The following KLHL29 variants were observed in gnomAD, a reference collection of about 807,000 sequenced individuals.
The protein encoded by KLHL29 is kelch-like protein 29.
In KLHL29, 21 loss-of-function variants were observed where a neutral mutation model predicts 80.4. That is an observed-to-expected ratio of 0.26 (90% CI 0.19 to 0.38). The LOEUF (loss-of-function observed/expected upper bound fraction) is 0.38, where lower values mean the gene tolerates loss of function less well. Among genes scored for constraint, KLHL29 ranks in the 10% least tolerant of loss-of-function variants. The pLI, the probability that KLHL29 is intolerant of heterozygous loss-of-function variation, is 1.00. For missense variants in KLHL29, 867 were observed against 1,223.9 expected (o/e 0.71, Z 4.35); for synonymous variants, 511 against 526.8 (o/e 0.97, Z 0.41).
At chr2:23,672,144 C>A (rs1415730525) in intron 5 of KLHL29, 1 of 152,314 alleles carries the variant, frequency 6.6e-6, no homozygotes, top group Non-Finnish European at 1.5e-5. Flanking sequence ...CTTCCTGGAA[C>A]TTTGAAGTCC....
chr2:23,523,312 T>G (rs932373223), intron 2 of KLHL29, among the ~76,000 whole-genome samples: 4 of 152,218 alleles, frequency 2.6e-5, no homozygotes, highest in Non-Finnish European at 5.9e-5. Context: ...ACCCCTCTTA[T>G]GATCCTTCCT....
intron 1 of KLHL29, among the ~76,000 whole-genome samples, chr2:23,462,607 G>A (rs901393026): frequency 3.9e-5 from 6 of 152,162 alleles, no homozygotes; most frequent in East Asian, 1.9e-4. Flanking sequence ...TGTCCCTAGC[G>A]GCTTTGACTG....
At chr2:23,691,214 T>C (rs1671576940) in intron 6 of KLHL29, 1 of 214,610 alleles carries the variant, frequency 4.7e-6, no homozygotes. Context: ...TCAGAGGATA[T>C]CTCTGGATTG....
chr2:23,608,481 A>T (rs1486500978), intron 3 of KLHL29, among the ~76,000 whole-genome samples: 12 of 151,624 alleles, frequency 7.9e-5, no homozygotes. Context: ...CTATGCCTGG[A>T]ATATCGTAGG....
intron 1 of KLHL29, among the ~76,000 whole-genome samples, chr2:23,395,889 G>A (rs879163560): frequency 1.3e-5 from 2 of 152,182 alleles, no homozygotes; most frequent in Admixed American, 6.5e-5. Context: ...CAGGAGAGCC[G>A]CCTATGGTGT....
intron 5 of KLHL29, chr2:23,671,890 G>GGC (rs1670775663): frequency 6.6e-6 from 1 of 152,392 alleles, no homozygotes; most frequent in African/African-American, 2.4e-5. Context: ...TGACGGGCCT[G>GGC]GCTGCACTGC....
Position 23,603,627 on chromosome 2 carries a change from G to A in KLHL29, c.286-35512G>A, listed in dbSNP as rs1236460551. On this transcript the variant is annotated intron_variant, in intron 3 of 13. Coordinates refer to ENST00000486442, the MANE Select transcript of KLHL29 (RefSeq NM_052920.2). ...GAGGGAGATCGAGGAGGCTGGCCGG[G>A]AAAGCATACCCTTCCTCGGGTGCTG... Among the ~76,000 whole-genome samples the A allele has an allele frequency of 2.6e-5, 4 of 152,334 alleles. No individual in the cohort carries two copies. The East Asian group carries it at 7.7e-4, about 29-fold the overall frequency.
intron 1 of KLHL29, among the ~76,000 whole-genome samples, chr2:23,401,024 G>T (rs1666587228): frequency 6.6e-6 from 1 of 152,158 alleles, no homozygotes. Context: ...GAGGTGGGAG[G>T]GTAATTCCTG....
intron 1 of KLHL29, among the ~76,000 whole-genome samples, chr2:23,467,834 C>G (rs567841487): frequency 2.0e-5 from 3 of 152,044 alleles, no homozygotes; most frequent in African/African-American, 7.3e-5. Flanking sequence ...AGTGTGAAAC[C>G]AACCCAGCAC....
At chr2:23,430,504 A>T (rs970173976) in intron 1 of KLHL29, among the ~76,000 whole-genome samples, 9 of 152,166 alleles carry the variant, frequency 5.9e-5, no homozygotes, top group African/African-American at 2.2e-4. Flanking sequence ...AGCCCAGGAA[A>T]ATCACCCACA....
intron 2 of KLHL29, among the ~76,000 whole-genome samples, chr2:23,493,614 C>A (rs1449856829): frequency 1.3e-5 from 2 of 151,952 alleles, no homozygotes; most frequent in African/African-American, 4.8e-5. Context: ...TATGCTAAAT[C>A]TCTGGGAGCG....
chr2:23,521,867 T>C (rs1666115986), intron 2 of KLHL29, among the ~76,000 whole-genome samples: 1 of 152,056 alleles, frequency 6.6e-6, no homozygotes, highest in Non-Finnish European at 1.5e-5. Flanking sequence ...TACTCAGGGG[T>C]CCCGTAGAGG....
chr2:23,426,278 G>T (rs1490045269), intron 1 of KLHL29, among the ~76,000 whole-genome samples: 15 of 152,170 alleles, frequency 9.9e-5, no homozygotes, highest in Admixed American at 5.2e-4. Context: ...TGTTCCAGCT[G>T]GTTGACCTGC....
In KLHL29 at chr2:23,662,723, G is replaced by A. The variant is rs184060642; in HGVS notation, c.940+19873G>A. 3.0e-3 allele frequency among the ~76,000 whole-genome samples: 454 copies of A among 152,268 alleles called. 7 individuals carry two copies. Among genetic ancestry groups the A allele is most frequent in the Middle Eastern group, 0.027 (8 of 294 alleles). ...GGGTCCCACCCAGCTCACCTCCCGA[G>A]CCACCTCTCCCCAGCCTGGGCCCAC... is the stretch of plus-strand genomic sequence containing the variant. On this transcript the variant is annotated intron_variant, in intron 5 of 13. Transcript: ENST00000486442.
intron 3 of KLHL29, among the ~76,000 whole-genome samples, chr2:23,583,097 G>A (rs1668026474): frequency 6.6e-6 from 1 of 152,188 alleles, no homozygotes; most frequent in East Asian, 1.9e-4. Context: ...AGAGGCAAAG[G>A]ACCCTCCCCT....
At chr2:23,659,780 C>T (rs1415554174) in intron 5 of KLHL29, among the ~76,000 whole-genome samples, 1 of 152,118 alleles carries the variant, frequency 6.6e-6, no homozygotes, top group African/African-American at 2.4e-5. Flanking sequence ...GCCAGGCCCT[C>T]CTCCAGGCCT....
rs146965691 is a variant in KLHL29 at position 23,482,630 on chromosome 2, A to C, written c.-46+6963A>C. Among the ~76,000 whole-genome samples, 851 of 152,274 alleles carry C rather than the reference A, an allele frequency of 5.6e-3. 13 individuals carry two copies. The highest frequency in any genetic ancestry group is 0.02 in the African/African-American group (829 of 41,558). ...GATGGACTTCTCTCCTGTAGGGATG[A>C]TCTCATTTACTCATACTCAGAGGCC... On this transcript the variant is annotated intron_variant, in intron 2 of 13. Transcript: ENST00000486442.
intron 2 of KLHL29, among the ~76,000 whole-genome samples, chr2:23,497,389 T>TC (rs1249056208): frequency 1.3e-5 from 2 of 152,212 alleles, no homozygotes; most frequent in African/African-American, 4.8e-5. Flanking sequence ...ACTCAGCCCC[T>TC]CCCTCTAGCA....
chr2:23,639,687 G>A (rs1422813108), intron 4 of KLHL29, among the ~76,000 whole-genome samples: 8 of 151,926 alleles, frequency 5.3e-5, no homozygotes, highest in Non-Finnish European at 8.8e-5. Context: ...GAATTAATTC[G>A]CCAGCTTGTA....
Sources: allele counts gnomAD v4.1 joint callset (sites outside exome capture counted in the v4.1 genomes callset), GRCh38; gene constraint gnomAD v4.1.1; transcripts MANE v1.5; gene names NCBI Gene and HGNC (gene_info 2026-07-23, HGNC 2026-07-21).